Variants in GRIK1 observed in about 807,000 individuals in gnomAD.
The protein encoded by GRIK1 is glutamate ionotropic receptor kainate type subunit 1, also known as glutamate receptor ionotropic, kainate 1.
A neutral mutation model predicts 105.7 loss-of-function variants in GRIK1; 69 were observed. That is an observed-to-expected ratio of 0.65 (90% CI 0.54 to 0.80). The LOEUF (loss-of-function observed/expected upper bound fraction) is 0.80, where lower values mean the gene tolerates loss of function less well. GRIK1 is among the 30% of genes least tolerant of loss of function. The pLI, the probability that GRIK1 is intolerant of heterozygous loss-of-function variation, is 0.00. For missense variants in GRIK1, 1,109 were observed against 1,167.3 expected, an observed-to-expected ratio of 0.95 and a Z score of 0.73; for synonymous variants, 438 against 431.3, an observed-to-expected ratio of 1.02 and a Z score of -0.19.
intron 1 of GRIK1, among the ~76,000 whole-genome samples, chr21:29,917,400 G>A (rs2071034197): frequency 6.6e-6 from 1 of 151,970 alleles, no homozygotes; most frequent in African/African-American, 2.4e-5. Context: ...AGGGAGAAAG[G>A]AATGCCAATC....
Position 29,651,231 on chromosome 21 carries a change from G to A in GRIK1, c.841C>T (p.Arg281Trp), listed in dbSNP as rs765568534. 5.1e-5 allele frequency: 82 copies of A among 1,613,382 alleles called. No individual in the cohort carries two copies. The highest frequency in any genetic ancestry group is 6.8e-5 in the Non-Finnish European group (80 of 1,179,478). The change falls in exon 6 of 18, where the codon CGG becomes TGG. Residue 281 changes from arginine (R) to tryptophan (W), a missense_variant. Transcript: ENST00000327783. Reference sequence around the variant, plus strand: ...TGAGGGTTGTCAATGTTAAGCAGCCGAAACCCGGTCATGTTTACGCCACTG... The same window carrying A: ...TGAGGGTTGTCAATGTTAAGCAGCCAAAACCCGGTCATGTTTACGCCACTG... ...RYSGVNMTGF[R>W]LLNIDNPHVS...
At chr21:29,587,297 G>A in intron 12 of GRIK1, 69 bp downstream of exon 12, 1 of 949,412 alleles carries the variant, frequency 1.1e-6, no homozygotes, top group Non-Finnish European at 1.7e-6. Flanking sequence ...ATTTTTGTCT[G>A]CCTCTGGGAC....
intron 1 of GRIK1, among the ~76,000 whole-genome samples, chr21:29,828,319 G>A (rs551798949): frequency 6.6e-5 from 10 of 151,946 alleles, no homozygotes; most frequent in East Asian, 1.9e-4. Flanking sequence ...CATTTATACC[G>A]AAAAACCTTA....
chr21:29,824,469 A>G (rs1299018669), intron 1 of GRIK1, among the ~76,000 whole-genome samples: 1 of 152,034 alleles, frequency 6.6e-6, no homozygotes, highest in African/African-American at 2.4e-5. Context: ...AGATGGTGAT[A>G]AGGACGAAAA....
intron 1 of GRIK1, among the ~76,000 whole-genome samples, chr21:29,851,548 C>G (rs1222913634): frequency 6.6e-6 from 1 of 152,204 alleles, no homozygotes; most frequent in Non-Finnish European, 1.5e-5. Flanking sequence ...CCCTATAATG[C>G]AGTGGAAATG....
intron 4 of GRIK1, among the ~76,000 whole-genome samples, chr21:29,660,961 A>T (rs368343314): frequency 6.6e-6 from 1 of 152,236 alleles, no homozygotes; most frequent in African/African-American, 2.4e-5. Context: ...TTAAGATGAA[A>T]GTTTGAGCTT....
At chr21:29,599,540 A>G (rs2061478726) in intron 7 of GRIK1, among the ~76,000 whole-genome samples, 1 of 152,168 alleles carries the variant, frequency 6.6e-6, no homozygotes, top group Non-Finnish European at 1.5e-5. Flanking sequence ...GGTGGAATTA[A>G]TGTGTCAGCG....
In GRIK1 at chr21:29,939,408, C is replaced by A. The variant is rs911718985; in HGVS notation, c.93G>T (p.Gln31His). 6.4e-7 allele frequency: 1 copy of A among 1,562,540 alleles called. No homozygotes were observed. The highest frequency in any genetic ancestry group is 2.4e-5 in the East Asian group (1 of 41,770). The change falls in exon 1 of 18, where the codon CAG becomes CAT. Residue 31 changes from glutamine to histidine, a missense_variant. Around this residue, in one of 5 missense-constraint regions of GRIK1, gnomAD observed 612 missense variants for 586.0 expected, o/e 1.04. Transcript: ENST00000327783. Reference sequence around the variant, plus strand: ...CGATCCTGAGTACTTGCGGGGCGGTCTGAGGGAGGATATAGCAGAGGAAAT... The same window carrying A: ...CGATCCTGAGTACTTGCGGGGCGGTATGAGGGAGGATATAGCAGAGGAAAT... ...LLYFLCYILP[Q>H]TAPQVLRIGG...
At chr21:29,830,290 C>CA (rs145228662) in intron 1 of GRIK1, among the ~76,000 whole-genome samples, 3,273 of 149,066 alleles carry the variant, frequency 0.022, 60 homozygotes, top group Non-Finnish European at 0.037. Flanking sequence ...GCATTAGATA[C>CA]ACACCCACCC....
rs191378437 is a variant in GRIK1 at position 29,855,650 on chromosome 21, G to A, written c.118+83733C>T. Among the ~76,000 whole-genome samples, 4 of 152,322 alleles carry A rather than the reference G, an allele frequency of 2.6e-5. No homozygotes were observed. The East Asian group carries it at 7.7e-4, about 29-fold the overall frequency. On this transcript the variant is annotated intron_variant, in intron 1 of 17. Transcript: ENST00000327783. ...GCAGATTAGTGGGATGTTCTAGTTT[G>A]TGTTCTTAGAAGATTAGGGATAGGG...
chr21:29,889,469 T>C (rs2146214429), intron 1 of GRIK1, among the ~76,000 whole-genome samples: 1 of 152,168 alleles, frequency 6.6e-6, no homozygotes, highest in South Asian at 2.1e-4. Context: ...TCCCTGAACA[T>C]TTTGCGTTTC....
At chr21:29,620,770 C>CATATATATATAT (rs200139967) in intron 7 of GRIK1, among the ~76,000 whole-genome samples, 62 of 117,392 alleles carry the variant, frequency 5.3e-4, no homozygotes, top group African/African-American at 2.2e-3. Flanking sequence ...GTATGAAAGT[C>CATATATATATAT]ATATATATAT....
intron 1 of GRIK1, among the ~76,000 whole-genome samples, chr21:29,771,952 A>T (rs930959930): frequency 2.6e-5 from 4 of 152,218 alleles, no homozygotes; most frequent in African/African-American, 9.6e-5. Flanking sequence ...CAGCTCTGGG[A>T]CAGCCAGATC....
chr21:29,817,337 C>T (rs1443027873), intron 1 of GRIK1, among the ~76,000 whole-genome samples: 8 of 151,940 alleles, frequency 5.3e-5, no homozygotes, highest in Admixed American at 1.3e-4. Flanking sequence ...TAAAGTACAG[C>T]GTCTTTTAAA....
At chr21:29,706,244 T>C (rs1197212853) in intron 1 of GRIK1, among the ~76,000 whole-genome samples, 2 of 152,246 alleles carry the variant, frequency 1.3e-5, no homozygotes, top group African/African-American at 4.8e-5. Flanking sequence ...TTTCAGCATT[T>C]GAAAATTTAA....
rs1265169878 is a variant in GRIK1, at chr21:29,820,102, CAGAT to C, written c.118+119277_118+119280del. Among the ~76,000 whole-genome samples the C allele has an allele frequency of 8.5e-5, 13 of 152,112 alleles. 1 individual carries two copies. The highest frequency in any genetic ancestry group is 2.9e-4 in the African/African-American group (12 of 41,516). Reference sequence around the variant, plus strand: ...GCCATACAGAGTGCTTGCCATGTGACAGATAGAAGATCATTAACTATGTAGTAAT... The same window carrying C: ...GCCATACAGAGTGCTTGCCATGTGACAGAAGATCATTAACTATGTAGTAAT... On this transcript the variant is annotated intron_variant, in intron 1 of 17. Coordinates refer to ENST00000327783, the MANE Select transcript of GRIK1 (RefSeq NM_001330994.2).
chr21:29,937,736 G>T (rs1172008614), intron 1 of GRIK1, among the ~76,000 whole-genome samples: 1 of 151,764 alleles, frequency 6.6e-6, no homozygotes, highest in Non-Finnish European at 1.5e-5. Flanking sequence ...CCCCAATTAA[G>T]TTAATAAGTA....
chr21:29,593,131 T>C (rs901810064), intron 9 of GRIK1, among the ~76,000 whole-genome samples: 3 of 152,228 alleles, frequency 2.0e-5, no homozygotes, highest in African/African-American at 7.2e-5. Context: ...TGTGAACTAT[T>C]TTAATTTCAG....
intron 1 of GRIK1, among the ~76,000 whole-genome samples, chr21:29,736,440 G>T (rs966562423): frequency 1.1e-4 from 16 of 152,100 alleles, no homozygotes; most frequent in African/African-American, 3.6e-4. Flanking sequence ...TGGTGGCCAG[G>T]CTGGTTTGGA....
Sources: gnomAD v4.1 joint callset for allele counts (sites outside exome capture counted in the v4.1 genomes callset) on GRCh38, gnomAD v4.1.1 for gene constraint, gnomAD v4.1.1 regional missense constraint, MANE v1.5 for transcripts, NCBI Gene and HGNC (gene_info 2026-07-23, HGNC 2026-07-21) for gene names.